The following DOCK3 variants were observed in gnomAD, a reference collection of about 807,000 sequenced individuals.
The protein encoded by DOCK3 is dedicator of cytokinesis protein 3.
Under a neutral mutation model 265.6 loss-of-function variants are expected in DOCK3, and 60 were observed. The observed-to-expected ratio is 0.23, with a 90% CI of 0.18 to 0.28. The LOEUF is 0.28. Among genes scored for constraint, DOCK3 ranks in the 10% least tolerant of loss-of-function variants. DOCK3 has a pLI of 1.00. For missense variants in DOCK3, 1,981 were observed against 2,594.3 expected (o/e 0.76, Z 5.14); for synonymous variants, 881 against 938.0 (o/e 0.94, Z 1.11).
At chr3:51,312,262 A>G (rs1215751573) in intron 29 of DOCK3, among the ~76,000 whole-genome samples, 183 bp downstream of exon 29, 1 of 152,212 alleles carries the variant, frequency 6.6e-6, no homozygotes, top group African/African-American at 2.4e-5. Context: ...CTCCATGAGT[A>G]TGCTTTCTAG....
At chr3:51,330,335 G>A in intron 33 of DOCK3, 112 bp downstream of exon 33, 1 of 970,242 alleles carries the variant, frequency 1.0e-6, no homozygotes, top group South Asian at 1.7e-5. Flanking sequence ...TCATCAAGAG[G>A]GACCTGGGTT....
At chr3:51,168,148 TCAAA>T (rs1237509889) in intron 12 of DOCK3, among the ~76,000 whole-genome samples, 1 of 152,272 alleles carries the variant, frequency 6.6e-6, no homozygotes, top group Non-Finnish European at 1.5e-5. Context: ...TTAAATTTTG[TCAAA>T]CACTTTTTCT....
chr3:51,336,725 A>C, intron 35 of DOCK3: 1 of 375,924 alleles, frequency 2.7e-6, no homozygotes. Context: ...GTCATAGAGC[A>C]CAGAAGTGTG....
chr3:51,012,996 A>G (rs996722301), intron 5 of DOCK3, among the ~76,000 whole-genome samples: 7 of 152,170 alleles, frequency 4.6e-5, no homozygotes, highest in Admixed American at 2.0e-4. Context: ...TTTCAGCTCC[A>G]TCAGGTCATT....
In DOCK3 at chr3:51,057,582, C is replaced by T. The variant is rs535582620; in HGVS notation, c.316-6866C>T. Among the ~76,000 whole-genome samples the T allele has an allele frequency of 5.9e-5, 9 of 152,298 alleles. No individual in the cohort carries two copies. In the South Asian group the frequency reaches 1.9e-3, roughly 32 times the overall value. ...GATTGTTTTTCCTGAGTGAGGTATT[C>T]AGCTGTTTTGTGGCATCAGATCATT... On this transcript the variant is annotated intron_variant, in intron 5 of 52. Transcript: ENST00000266037.
chr3:51,263,927 G>C (rs1177840627), intron 23 of DOCK3, among the ~76,000 whole-genome samples: 1 of 152,150 alleles, frequency 6.6e-6, no homozygotes, highest in South Asian at 2.1e-4. Context: ...CAAGTTCTTA[G>C]AGTCCAATAA....
chr3:51,218,386 A>T (rs1449639921), intron 14 of DOCK3, among the ~76,000 whole-genome samples: 1 of 152,158 alleles, frequency 6.6e-6, no homozygotes, highest in Non-Finnish European at 1.5e-5. Flanking sequence ...GTGAGCCAAG[A>T]TCATACCACT....
In DOCK3 at chr3:51,374,697, G is replaced by A. The variant is rs558745668; in HGVS notation, c.5412+110G>A. The A allele has an allele frequency of 2.3e-4, 253 of 1,096,554 alleles. No individual in the cohort carries two copies. The highest frequency in any genetic ancestry group is 7.2e-4 in the Admixed American group (34 of 46,970). The allele number at this position is 1,096,554 out of a possible 1,614,324, so 67.9% of individuals were successfully genotyped here. On this transcript the variant is annotated intron_variant, in intron 50 of 52. Transcript: ENST00000266037. This position sits in a 1 kb window ranked among gnomAD's most constrained non-coding sequence, Gnocchi z 4.8. ...TTGTCCTACATGGCTCTCTCATTCC[G>A]CTGTAAGATCCCGCAAAAGGCCGCT...
At chr3:50,992,964 G>A (rs1354200298) in intron 5 of DOCK3, among the ~76,000 whole-genome samples, 3 of 151,858 alleles carry the variant, frequency 2.0e-5, no homozygotes, top group African/African-American at 7.3e-5. Context: ...TCTTTTTTTT[G>A]TACTATGCCA....
At chr3:51,232,287 A>G (rs2078156096) in intron 19 of DOCK3, among the ~76,000 whole-genome samples, 1 of 152,008 alleles carries the variant, frequency 6.6e-6, no homozygotes, top group Admixed American at 6.6e-5. Context: ...TACCTTCCTA[A>G]TGGTTGGTTC....
chr3:51,342,699 A>G (rs977150308), intron 38 of DOCK3, among the ~76,000 whole-genome samples: 1 of 152,242 alleles, frequency 6.6e-6, no homozygotes, highest in Non-Finnish European at 1.5e-5. Context: ...ATGGTCCCCT[A>G]TTCATCCCAC....
chr3:50,905,581 AG>A (rs2049446043), intron 4 of DOCK3, among the ~76,000 whole-genome samples: 1 of 152,072 alleles, frequency 6.6e-6, no homozygotes, highest in South Asian at 2.1e-4. Context: ...ATTGGTGTAG[AG>A]GAATGCTTGT....
chr3:51,278,785 G>A (rs2108972657), intron 26 of DOCK3, among the ~76,000 whole-genome samples: 1 of 152,164 alleles, frequency 6.6e-6, no homozygotes, highest in Middle Eastern at 3.4e-3. Flanking sequence ...TAATGAGGAT[G>A]ATAATAACTA....
chr3:51,164,362 C>G (rs1011452600), intron 12 of DOCK3, among the ~76,000 whole-genome samples: 1 of 152,162 alleles, frequency 6.6e-6, no homozygotes, highest in African/African-American at 2.4e-5. Context: ...GTGGCTCACG[C>G]CTGTAATCCC....
At position 51,225,776 on chromosome 3, in the gene DOCK3, A is replaced by G; in HGVS notation, c.1377+3A>G. 6.2e-7 allele frequency: 1 copy of G among 1,609,568 alleles called. No individual in the cohort carries two copies. The highest frequency in any genetic ancestry group is 8.5e-7 in the Non-Finnish European group (1 of 1,177,760). On this transcript the variant is annotated splice_donor_region_variant and intron_variant, in intron 15 of 52. Transcript: ENST00000266037. ...ATGCAGATGGAGAAATCTTGAAGGT[A>G]AGGCTTGCCAGTCAGTCATTTGGGT...
chr3:51,206,240 A>G (rs1228506266), intron 12 of DOCK3, among the ~76,000 whole-genome samples: 1 of 152,236 alleles, frequency 6.6e-6, no homozygotes, highest in Non-Finnish European at 1.5e-5. Context: ...CATTTAAGCT[A>G]TAAGAAATAA....
chr3:51,269,685 C>T (rs912425930), intron 23 of DOCK3, among the ~76,000 whole-genome samples: 1 of 152,190 alleles, frequency 6.6e-6, no homozygotes, highest in African/African-American at 2.4e-5. Context: ...GATGGCACTC[C>T]ATTTCTCTTT....
intron 3 of DOCK3, among the ~76,000 whole-genome samples, chr3:50,851,636 TGCA>T (rs759531722): frequency 1.2e-4 from 19 of 152,192 alleles, no homozygotes; most frequent in Non-Finnish European, 2.4e-4. Context: ...CAATGGCACA[TGCA>T]GAATGGTTCC....
chr3:50,845,330 T>A (rs2046029354), intron 3 of DOCK3, among the ~76,000 whole-genome samples: 1 of 152,208 alleles, frequency 6.6e-6, no homozygotes, highest in South Asian at 2.1e-4. Context: ...ATAAAATATA[T>A]GCTCAAGAGG....
Sources: gnomAD v4.1 joint callset for allele counts (sites outside exome capture counted in the v4.1 genomes callset) on GRCh38, gnomAD v4.1.1 for gene constraint, Gnocchi (gnomAD v3.1) non-coding constraint, MANE v1.5 for transcripts, NCBI Gene and HGNC (gene_info 2026-07-23, HGNC 2026-07-21) for gene names.